The following GTPBP10 variants were observed in gnomAD, a reference collection of about 807,000 sequenced individuals.
GTPBP10 encodes GTP binding protein 10.
A neutral mutation model predicts 44.8 loss-of-function variants in GTPBP10; 38 were observed. The observed-to-expected ratio is 0.85, with a 90% confidence interval of 0.65 to 1.11. The LOEUF (loss-of-function observed/expected upper bound fraction) is 1.11, where lower values mean the gene tolerates loss of function less well. Ranked by LOEUF, GTPBP10 falls within the 50% of genes most tolerant of loss-of-function variation. GTPBP10 has a pLI of 0.00. For synonymous variants in GTPBP10, 152 were observed against 150.6 expected (o/e 1.01, Z -0.07); for missense variants, 462 against 453.7 (o/e 1.02, Z -0.17).
intron 4 of GTPBP10, among the ~76,000 whole-genome samples, chr7:90,369,842 C>T (rs1796223289): frequency 2.6e-5 from 4 of 152,294 alleles, no homozygotes; most frequent in South Asian, 4.1e-4. Context: ...CCCAACCCGC[C>T]ACATTGAGAT....
chr7:90,366,850 G>A (rs1796145132), intron 4 of GTPBP10, among the ~76,000 whole-genome samples: 1 of 151,946 alleles, frequency 6.6e-6, no homozygotes, highest in East Asian at 1.9e-4. Context: ...GTTTGCTCCT[G>A]GTTCTCTAGT....
At chr7:90,360,893 A>T (rs890074605) in intron 4 of GTPBP10, among the ~76,000 whole-genome samples, 2 of 152,008 alleles carry the variant, frequency 1.3e-5, no homozygotes, top group African/African-American at 4.8e-5. Context: ...ATTCTCTTTG[A>T]AGCAATTGTG....
chr7:90,385,043 T>C lies in GTPBP10; in HGVS notation c.1053T>C (p.Asn351=), dbSNP rs764624426. The C allele has an allele frequency of 6.2e-7, 1 of 1,613,900 alleles. No homozygotes were observed. The highest frequency in any genetic ancestry group is 1.1e-5 in the South Asian group (1 of 91,066). Residue 351 remains asparagine, a synonymous_variant, in exon 10 of 10, where the codon AAT becomes AAC. Transcript: ENST00000222511. The stretch of plus-strand genomic sequence containing the variant: ...TGGATGAACAGGCCAACCAGGAAAA[T>C]GATGCACTTCATAAGAAACAGTTGC... ...KSLDEQANQE[N]DALHKKQLLN... is the part of the protein sequence containing the mutation.
At chr7:90,379,300 C>G (rs1796396501) in intron 8 of GTPBP10, among the ~76,000 whole-genome samples, 1 of 152,098 alleles carries the variant, frequency 6.6e-6, no homozygotes, top group Admixed American at 6.6e-5. Flanking sequence ...TCCCTGTGTC[C>G]TGCCTTGCTT....
rs1319524402 is a variant in GTPBP10 at position 90,363,877 on chromosome 7, C to T, written c.465-8278C>T. 2.6e-5 allele frequency among the ~76,000 whole-genome samples: 4 copies of T among 152,168 alleles called. No individual in the cohort carries two copies. In the South Asian group the frequency reaches 6.2e-4, roughly 24 times the overall value. ...CTAAAATTCTCTTCTTGCTTCATTT[C>T]ATTCATTTAATCTTCAGTCACTGAT... On this transcript the variant is annotated intron_variant, in intron 4 of 9. Transcript: ENST00000222511.
At chr7:90,357,353 T>C (rs1371910211) in intron 4 of GTPBP10, among the ~76,000 whole-genome samples, 2 of 152,172 alleles carry the variant, frequency 1.3e-5, no homozygotes, top group Non-Finnish European at 2.9e-5. Flanking sequence ...TAATTATGGA[T>C]AAAAACAGCT....
Position 90,377,599 on chromosome 7 carries a change from A to G in GTPBP10, c.684A>G (p.Arg228=). 6.2e-7 allele frequency: 1 copy of G among 1,604,718 alleles called. No individual in the cohort carries two copies. Among genetic ancestry groups the G allele is most frequent in the South Asian group, 1.1e-5 (1 of 89,862 alleles). ...TCCTCAAGCATATAGAAAGAACTAGACAACTACTTTTTGTTGTAAGTCATA... is the reference window on the plus strand; with the variant it reads ...TCCTCAAGCATATAGAAAGAACTAGGCAACTACTTTTTGTTGTAAGTCATA... The part of the protein sequence containing the change: ...HKFLKHIERT[R]QLLFVVDISG... The change falls in exon 7 of 10, where the codon AGA becomes AGG. Residue 228 remains arginine, a synonymous_variant. Coordinates refer to ENST00000222511, the MANE Select transcript of GTPBP10 (RefSeq NM_033107.4).
In GTPBP10 at chr7:90,390,803, T is replaced by C. The variant is rs1314475729; in HGVS notation, c.*5649T>C. 3 of 152,206 alleles carry C rather than the reference T, an allele frequency of 2.0e-5. No homozygotes were observed. Among genetic ancestry groups the C allele is most frequent in the Non-Finnish European group, 4.4e-5 (3 of 68,036 alleles). The allele number at this position is 152,206 out of a possible 1,614,324, so 9.4% of individuals were successfully genotyped here. A position where few individuals can be genotyped will look rare whatever the true frequency, so the allele number is the denominator to read the frequency against. On this transcript the variant is annotated 3_prime_UTR_variant, in exon 10 of 10. Coordinates refer to ENST00000222511, the MANE Select transcript of GTPBP10 (RefSeq NM_033107.4). The stretch of plus-strand genomic sequence containing the variant: ...TCTAGTTGGTTACCAAATACTGTTA[T>C]TGGTATTATTTCTATATAAAAGGCT...
chr7:90,386,627 T>A lies in GTPBP10; in HGVS notation c.*1473T>A, dbSNP rs1437858875. On this transcript the variant is annotated 3_prime_UTR_variant, in exon 10 of 10. Coordinates refer to ENST00000222511, the MANE Select transcript of GTPBP10 (RefSeq NM_033107.4). ...ACTTTGGGATGCCAAGGCGGGAGGA[T>A]TGCTTGAGCCCAGGAGTTCATGCCT... 1.3e-5 allele frequency: 2 copies of A among 152,100 alleles called. No individual in the cohort carries two copies. Among genetic ancestry groups the A allele is most frequent in the African/African-American group, 4.8e-5 (2 of 41,414 alleles). The allele number at this position is 152,100 out of a possible 1,614,324, so 9.4% of individuals were successfully genotyped here.
intron 4 of GTPBP10, among the ~76,000 whole-genome samples, chr7:90,370,792 T>C (rs1309423025): frequency 6.6e-6 from 1 of 152,018 alleles, no homozygotes; most frequent in Non-Finnish European, 1.5e-5. Context: ...GATCACGAGG[T>C]CAGGAGATTG....
Position 90,388,878 on chromosome 7 carries a change from C to T in GTPBP10, c.*3724C>T, listed in dbSNP as rs138343771. 1 of 152,078 alleles carries T rather than the reference C, an allele frequency of 6.6e-6. No homozygotes were observed. Among genetic ancestry groups the T allele is most frequent in the Non-Finnish European group, 1.5e-5 (1 of 67,998 alleles). The allele number at this position is 152,078 out of a possible 1,614,324, so 9.4% of individuals were successfully genotyped here. A position where few individuals can be genotyped will look rare whatever the true frequency, so the allele number is the denominator to read the frequency against. On this transcript the variant is annotated 3_prime_UTR_variant, in exon 10 of 10. Transcript: ENST00000222511. ...TGTTTGCAAAGTTCAGATTGAAAAC[C>T]CAGTTTTACAAATCCCATCTACAAA...
At chr7:90,361,094 C>G (rs913428566) in intron 4 of GTPBP10, among the ~76,000 whole-genome samples, 1 of 152,152 alleles carries the variant, frequency 6.6e-6, no homozygotes, top group Non-Finnish European at 1.5e-5. Context: ...GACAATTTGA[C>G]TTCCTCTTTT....
intron 4 of GTPBP10, among the ~76,000 whole-genome samples, chr7:90,359,306 C>T (rs1364407152): frequency 6.6e-6 from 1 of 152,068 alleles, no homozygotes; most frequent in African/African-American, 2.4e-5. Flanking sequence ...GACCCCCACC[C>T]CCTGACAGGC....
intron 5 of GTPBP10, among the ~76,000 whole-genome samples, chr7:90,373,331 A>G (rs1356165242): frequency 6.6e-6 from 1 of 152,234 alleles, no homozygotes; most frequent in Non-Finnish European, 1.5e-5. Context: ...GGTGTGGGAC[A>G]TGAAGGGTCT....
chr7:90,376,856 G>A (rs797003220), intron 6 of GTPBP10, among the ~76,000 whole-genome samples: 5 of 152,150 alleles, frequency 3.3e-5, no homozygotes, highest in South Asian at 2.1e-4. Context: ...AGATTTTTAC[G>A]AATTTGGAGT....
intron 4 of GTPBP10, among the ~76,000 whole-genome samples, chr7:90,367,109 C>G (rs1209480871): frequency 2.0e-5 from 3 of 152,170 alleles, no homozygotes; most frequent in African/African-American, 7.2e-5. Flanking sequence ...GAGCGAGTTT[C>G]TTAATCCTGA....
At chr7:90,355,748 C>T (rs1286799941) in intron 4 of GTPBP10, among the ~76,000 whole-genome samples, 5 of 152,124 alleles carry the variant, frequency 3.3e-5, no homozygotes, top group Non-Finnish European at 7.4e-5. Flanking sequence ...GACTGTATAT[C>T]CTTCTTGCCT....
intron 4 of GTPBP10, among the ~76,000 whole-genome samples, chr7:90,367,733 C>G (rs1013207833): frequency 1.3e-5 from 2 of 152,120 alleles, no homozygotes; most frequent in Admixed American, 1.3e-4. Flanking sequence ...ACTCTTTATC[C>G]AGTTTGGCAA....
chr7:90,352,741 G>T (rs1795814371), intron 1 of GTPBP10, 75 bp from the exon 2 acceptor site: 2 of 1,152,882 alleles, frequency 1.7e-6, no homozygotes, highest in Non-Finnish European at 1.2e-6. Context: ...AGTTTTAGTG[G>T]AAGAAAGAAC....
Sources: allele counts gnomAD v4.1 joint callset (sites outside exome capture counted in the v4.1 genomes callset), GRCh38; gene constraint gnomAD v4.1.1; transcripts MANE v1.5; gene names NCBI Gene and HGNC (gene_info 2026-07-23, HGNC 2026-07-21).